ASAH1: variants seen among roughly 807,000 people sequenced by gnomAD.
ASAH1 encodes acid ceramidase.
Under a neutral mutation model 59.5 loss-of-function variants are expected in ASAH1, and 70 were observed. That is an observed-to-expected ratio of 1.18 (90% CI 0.97 to 1.43). ASAH1 has a LOEUF of 1.43. ASAH1 is among the 40% of genes most tolerant of loss of function. ASAH1 has a pLI of 0.00. For missense variants in ASAH1, 660 were observed against 482.5 expected (o/e 1.37, Z -3.45); for synonymous variants, 213 against 166.5 (o/e 1.28, Z -2.15).
At chr8:18,074,793 C>T (rs1800324748) in intron 2 of ASAH1, among the ~76,000 whole-genome samples, 2 of 152,154 alleles carry the variant, frequency 1.3e-5, no homozygotes, top group South Asian at 4.1e-4. Context: ...CCTGTTTTGT[C>T]CTCGACAGCT....
intron 13 of ASAH1, 97 bp from the exon 14 acceptor site, chr8:18,057,720 G>A: frequency 2.9e-6 from 2 of 699,472 alleles, no homozygotes; most frequent in East Asian, 4.7e-5. Context: ...TGCTTTAGAA[G>A]TTATTTAATA....
Position 18,060,829 on chromosome 8 carries a change from T to G in ASAH1, c.785+548A>C, listed in dbSNP as rs528141925. On this transcript the variant is annotated intron_variant, in intron 10 of 13. Coordinates refer to ENST00000637790, the MANE Select transcript of ASAH1 (RefSeq NM_177924.5). The stretch of plus-strand genomic sequence containing the variant: ...GTGGACTGATCCCAGCTCACTGCAG[T>G]CTCGACCTCCTTGGGCTCAGGTGAT... 1.6e-4 allele frequency: 26 copies of G among 162,198 alleles called. No homozygotes were observed. In the South Asian group the frequency reaches 3.6e-3, roughly 23 times the overall value. The allele number at this position is 162,198 out of a possible 1,614,324, so 10.0% of individuals were successfully genotyped here.
chr8:18,059,219 G>T, intron 12 of ASAH1, 122 bp downstream of exon 12: 2 of 1,477,972 alleles, frequency 1.4e-6, no homozygotes, highest in Non-Finnish European at 1.9e-6. Context: ...AGTGGAGAGT[G>T]GCTAGAGATA....
intron 1 of ASAH1, 81 bp downstream of exon 1, chr8:18,083,900 C>G (rs1480863413): frequency 2.6e-6 from 4 of 1,540,026 alleles, no homozygotes; most frequent in African/African-American, 2.7e-5. Context: ...TCCTTGTACC[C>G]GCTCGCGCCG....
chr8:18,064,759 G>C, intron 5 of ASAH1: 2 of 501,542 alleles, frequency 4.0e-6, no homozygotes, highest in East Asian at 3.2e-5. Flanking sequence ...TGAACATCTG[G>C]GCAGGTTGCA....
rs1564543170 is a variant in ASAH1 at position 18,067,279 on chromosome 8, A to G, written c.323T>C (p.Phe108Ser). 8 of 1,601,610 alleles carry G rather than the reference A, an allele frequency of 5.0e-6. No homozygotes were observed. The highest frequency in any genetic ancestry group is 6.8e-6 in the Non-Finnish European group (8 of 1,173,514). The change falls in exon 5 of 14, where the codon TTT becomes TCT. Residue 108 changes from phenylalanine to serine, a missense_variant. Phe to Ser is a radical substitution (Grantham distance 155). Transcript: ENST00000637790. ...CATTTCCTCTTCAAAAGGGCCAGGA[A>G]AGTTGCCAAGTAGGCCAGGCTGGAA... ...DEKLPGLLGN[F>S]PGPFEEEMKG...
Position 18,059,674 on chromosome 8 carries a change from T to C in ASAH1, c.815A>G (p.Lys272Arg). The C allele has an allele frequency of 6.2e-7, 1 of 1,614,216 alleles. No homozygotes were observed. Among genetic ancestry groups the C allele is most frequent in the Non-Finnish European group, 8.5e-7 (1 of 1,180,024 alleles). Residue 272 changes from lysine to arginine, a missense_variant, in exon 11 of 14, where the codon AAG (lysine) becomes AGG (arginine). Coordinates refer to ENST00000637790, the MANE Select transcript of ASAH1 (RefSeq NM_177924.5). ...SYEEAKNLLT[K>R]TKILAPAYFI... ...GTAGGCTGGGGCCAATATCTTGGTC[T>C]TGGTCAATAAATTCTTGGCTTCTTC...
In ASAH1 at chr8:18,064,485, A is replaced by G. The variant is rs1363091109; in HGVS notation, c.429T>C (p.Cys143=). ...TTTTGTCTTCTGCTACTATTGAAGTACAAATGGTAAATAATTCATAAAAAA... is the reference window on the plus strand; with the variant it reads ...TTTTGTCTTCTGCTACTATTGAAGTGCAAATGGTAAATAATTCATAAAAAA... ...FNIFYELFTI[C]TSIVAEDKKG... Residue 143 remains cysteine, a synonymous_variant, in exon 6 of 14, where the codon TGT becomes TGC. Transcript: ENST00000637790. The G allele has an allele frequency of 1.3e-6, 2 of 1,583,288 alleles. No individual in the cohort carries two copies. Among genetic ancestry groups the G allele is most frequent in the Non-Finnish European group, 1.7e-6 (2 of 1,154,016 alleles).
rs1799568726 is a variant in ASAH1, at chr8:18,058,753, G to C, written c.1098+82C>G. The stretch of plus-strand genomic sequence containing the variant: ...TGAACACACCTTTTGTGCTCAAACT[G>C]ATCAAAGATAACAGAGAAAGATAAA... On this transcript the variant is annotated intron_variant, in intron 13 of 13. Transcript: ENST00000637790. 3.0e-5 allele frequency: 38 copies of C among 1,279,636 alleles called. No homozygotes were observed. In the South Asian group the frequency reaches 4.0e-4, roughly 14 times the overall value. 79.3% of individuals were successfully genotyped at this position (1,279,636 alleles called of 1,614,324 possible). A position where few individuals can be genotyped will look rare whatever the true frequency, so the allele number is the denominator to read the frequency against.
intron 1 of ASAH1, among the ~76,000 whole-genome samples, chr8:18,080,599 C>G (rs1800611896): frequency 6.6e-6 from 1 of 152,204 alleles, no homozygotes; most frequent in African/African-American, 2.4e-5. Context: ...CGCTCATTGT[C>G]CAGGCTGGAG....
chr8:18,057,529 T>C lies in ASAH1; in HGVS notation c.*5A>G. The C allele has an allele frequency of 1.3e-6, 2 of 1,592,436 alleles. No individual in the cohort carries two copies. Among genetic ancestry groups the C allele is most frequent in the East Asian group, 2.3e-5 (1 of 43,740 alleles). The stretch of plus-strand genomic sequence containing the variant: ...GAGGCCGCATTCTGTAGGCCAGACG[T>C]GTGCTCACCAACCTATACAAGGGTC... On this transcript the variant is annotated 3_prime_UTR_variant, in exon 14 of 14. Coordinates refer to ENST00000637790, the MANE Select transcript of ASAH1 (RefSeq NM_177924.5).
chr8:18,079,157 T>G (rs1438538671), intron 1 of ASAH1, among the ~76,000 whole-genome samples: 1 of 151,234 alleles, frequency 6.6e-6, no homozygotes, highest in African/African-American at 2.4e-5. Context: ...CCTGTAATCC[T>G]AGGTACTCGG....
chr8:18,080,598 T>C (rs1199193057), intron 1 of ASAH1, among the ~76,000 whole-genome samples: 3 of 152,200 alleles, frequency 2.0e-5, no homozygotes, highest in African/African-American at 7.2e-5. Context: ...TCGCTCATTG[T>C]CCAGGCTGGA....
intron 7 of ASAH1, chr8:18,062,954 T>A: frequency 2.4e-6 from 1 of 415,208 alleles, no homozygotes; most frequent in Non-Finnish European, 4.4e-6. Context: ...CACTGCAACC[T>A]CCGCCTCGCA....
upstream of ASAH1, chr8:18,084,865 G>T: frequency 6.3e-7 from 1 of 1,595,130 alleles, no homozygotes. Context: ...GCTCAGCTTG[G>T]GAGGAGGCGG....
upstream of ASAH1, chr8:18,084,435 C>G (rs528946838): frequency 2.2e-6 from 3 of 1,360,932 alleles, no homozygotes; most frequent in South Asian, 3.0e-5. Flanking sequence ...GCGCCTCTAG[C>G]AGGCGGGTGC....
Position 18,075,393 on chromosome 8 carries a change from A to G in ASAH1, c.125+148T>C, listed in dbSNP as rs1480711597. On this transcript the variant is annotated intron_variant, in intron 2 of 13. Coordinates refer to ENST00000637790, the MANE Select transcript of ASAH1 (RefSeq NM_177924.5). ...CCAAGATCTCAGCCAAATGCATAAT[A>G]AACAAATCTGAGAAACAAACCTCTG... The G allele has an allele frequency of 4.5e-6, 4 of 888,254 alleles. No individual in the cohort carries two copies. In the East Asian group the frequency reaches 9.7e-5, roughly 21 times the overall value. The allele number at this position is 888,254 out of a possible 1,614,324, so 55.0% of individuals were successfully genotyped here.
chr8:18,084,348 G>T (rs1015917400), upstream of ASAH1: 7 of 1,413,012 alleles, frequency 5.0e-6, no homozygotes, highest in East Asian at 2.6e-5. Flanking sequence ...CTCCCCCACC[G>T]CGGGCAATAG....
intron 13 of ASAH1, 50 bp downstream of exon 13, chr8:18,058,785 G>A (rs777271052): frequency 6.1e-6 from 9 of 1,485,234 alleles, no homozygotes; most frequent in Middle Eastern, 1.7e-4. Context: ...TAAAACATAG[G>A]GCCAAATTCT....
Sources: gnomAD v4.1 joint callset for allele counts (sites outside exome capture counted in the v4.1 genomes callset) on GRCh38, gnomAD v4.1.1 for gene constraint, MANE v1.5 for transcripts, NCBI Gene and HGNC (gene_info 2026-07-23, HGNC 2026-07-21) for gene names.